CAMTA1: variants seen among roughly 807,000 people sequenced by gnomAD.
CAMTA1 encodes the protein calmodulin binding transcription activator 1, also known as calmodulin-binding transcription activator 1.
Under a neutral mutation model 170.9 loss-of-function variants are expected in CAMTA1, and 27 were observed. That is an observed-to-expected ratio of 0.16 (90% confidence interval 0.12 to 0.22). The LOEUF is 0.22. CAMTA1 is among the 10% of genes least tolerant of loss of function. CAMTA1 has a pLI of 1.00. For synonymous variants in CAMTA1, 833 were observed against 891.5 expected, an observed-to-expected ratio of 0.93 and a Z score of 1.17; for missense variants, 1,619 against 2,217.2, an observed-to-expected ratio of 0.73 and a Z score of 5.42.
At position 7,299,534 on chromosome 1, in the gene CAMTA1, C is replaced by T. The variant is rs1674453236; in HGVS notation, c.438+49908C>T. On this transcript the variant is annotated intron_variant, in intron 5 of 22. Coordinates refer to ENST00000303635, the MANE Select transcript of CAMTA1 (RefSeq NM_015215.4). This position sits in a 1 kb window ranked among gnomAD's most constrained non-coding sequence, Gnocchi z 4.7. The stretch of plus-strand genomic sequence containing the variant: ...GCATGACTCAGACTCGGAGAGCTTC[C>T]AACCTCGCAATGAGCCAGCGGCTCC... Among the ~76,000 whole-genome samples, 1 of 152,228 alleles carries T rather than the reference C, an allele frequency of 6.6e-6. No individual in the cohort carries two copies. The highest frequency in any genetic ancestry group is 1.5e-5 in the Non-Finnish European group (1 of 68,044).
chr1:7,462,942 C>T (rs374597500), intron 5 of CAMTA1, among the ~76,000 whole-genome samples: 27 of 152,342 alleles, frequency 1.8e-4, no homozygotes, highest in Middle Eastern at 6.8e-3. Flanking sequence ...GTGTTCCCAG[C>T]GTCTGCTCCT....
At position 7,357,861 on chromosome 1, in the gene CAMTA1, G is replaced by A. The variant is rs190953733; in HGVS notation, c.438+108235G>A. Among the ~76,000 whole-genome samples the A allele has an allele frequency of 1.8e-3, 274 of 152,284 alleles. 4 individuals carry two copies. In the East Asian group the frequency reaches 0.038, roughly 21 times the overall value. Reference sequence around the variant, plus strand: ...GAGTGCCGGGCTGCTGGAGCTTGGGGTCCCTGCTCCCAGGTCCCTGTCCCC... The same window carrying A: ...GAGTGCCGGGCTGCTGGAGCTTGGGATCCCTGCTCCCAGGTCCCTGTCCCC... On this transcript the variant is annotated intron_variant, in intron 5 of 22. Coordinates refer to ENST00000303635, the MANE Select transcript of CAMTA1 (RefSeq NM_015215.4).
At position 7,633,966 on chromosome 1, in the gene CAMTA1, C is replaced by T. The variant is rs1002417348; in HGVS notation, c.511-6434C>T. Among the ~76,000 whole-genome samples, 2 of 152,182 alleles carry T rather than the reference C, an allele frequency of 1.3e-5. No homozygotes were observed. Among genetic ancestry groups the T allele is most frequent in the Admixed American group, 6.5e-5 (1 of 15,286 alleles). On this transcript the variant is annotated intron_variant, in intron 6 of 22. Coordinates refer to ENST00000303635, the MANE Select transcript of CAMTA1 (RefSeq NM_015215.4). This position sits in a 1 kb window ranked among gnomAD's most constrained non-coding sequence, Gnocchi z 4.1. ...AGAGACCACAGCCCAGGGAGAGAAG[C>T]GGCAGATCTGGGGAATGGGGTGGCG...
intron 5 of CAMTA1, among the ~76,000 whole-genome samples, chr1:7,457,058 G>A (rs543917283): frequency 4.2e-4 from 16 of 38,532 alleles, no homozygotes; most frequent in African/African-American, 9.3e-4. Context: ...CCCCTGCGCC[G>A]CCGTGCCCCT....
At chr1:7,353,138 G>A (rs1017985471) in intron 5 of CAMTA1, among the ~76,000 whole-genome samples, 5 of 152,244 alleles carry the variant, frequency 3.3e-5, no homozygotes, top group Non-Finnish European at 7.4e-5. Flanking sequence ...CTACCCTCTC[G>A]AAGGCACAGT....
chr1:7,675,214 G>A (rs906406953), intron 10 of CAMTA1, among the ~76,000 whole-genome samples: 2 of 152,184 alleles, frequency 1.3e-5, no homozygotes, highest in Non-Finnish European at 2.9e-5. Context: ...GTTTGGCAAC[G>A]TGGAGAATCT....
At position 7,532,954 on chromosome 1, in the gene CAMTA1, A is replaced by G. The variant is rs149386321; in HGVS notation, c.510+65053A>G. Among the ~76,000 whole-genome samples the G allele has an allele frequency of 6.6e-6, 1 of 152,280 alleles. No homozygotes were observed. Among genetic ancestry groups the G allele is most frequent in the Non-Finnish European group, 1.5e-5 (1 of 68,012 alleles). On this transcript the variant is annotated intron_variant, in intron 6 of 22. Transcript: ENST00000303635. The surrounding 1 kb of genome is among the most constrained non-coding windows in gnomAD (Gnocchi z 4.2). ...GGCTTTTTGGGAAGGGTGGGATTTC[A>G]TCTGGAACAAGAGATGGGAGGCCCA...
intron 3 of CAMTA1, among the ~76,000 whole-genome samples, chr1:6,990,067 T>C (rs1338553440): frequency 6.6e-6 from 1 of 152,156 alleles, no homozygotes; most frequent in African/African-American, 2.4e-5. Context: ...GCCAACTTCA[T>C]CTGCAGACGG....
intron 5 of CAMTA1, among the ~76,000 whole-genome samples, chr1:7,398,175 CTCTCTCTCTCTCTCTCT>C (rs2089495913): frequency 2.5e-5 from 1 of 40,564 alleles, no homozygotes; most frequent in African/African-American, 9.9e-5. Flanking sequence ...CTCTCTCTCT[CTCTCTCTCTCTCTCTCT>C]CTATATATAT....
intron 5 of CAMTA1, among the ~76,000 whole-genome samples, chr1:7,419,554 C>T (rs1219772357): frequency 1.3e-5 from 2 of 152,172 alleles, no homozygotes; most frequent in East Asian, 1.9e-4. Flanking sequence ...CACTCAGTCT[C>T]GTGGTTCTAA....
chr1:7,512,684 A>G (rs1263554327), intron 6 of CAMTA1, among the ~76,000 whole-genome samples: 3 of 152,224 alleles, frequency 2.0e-5, no homozygotes, highest in African/African-American at 4.8e-5. Flanking sequence ...AGCAAGTTAC[A>G]TAGCAAAACC....
At chr1:6,848,642 G>C (rs1436211428) in intron 3 of CAMTA1, among the ~76,000 whole-genome samples, 3 of 152,200 alleles carry the variant, frequency 2.0e-5, no homozygotes, top group Non-Finnish European at 4.4e-5. Context: ...AGAGTTAGTA[G>C]CATTTATGTG....
intron 4 of CAMTA1, among the ~76,000 whole-genome samples, chr1:7,140,456 G>C (rs978034138): frequency 6.6e-6 from 1 of 152,122 alleles, no homozygotes; most frequent in African/African-American, 2.4e-5. Context: ...GTCAACTCCA[G>C]CTCTCTCACT....
rs148641840 is a variant in CAMTA1 at position 7,268,118 on chromosome 1, G to T, written c.438+18492G>T. ...ATAAACAAGCTCTGGCTTTCTGGCT[G>T]GAGGCATTTTCCAGACAGTGCATGG... On this transcript the variant is annotated intron_variant, in intron 5 of 22. Transcript: ENST00000303635. Among the ~76,000 whole-genome samples, 211 of 152,288 alleles carry T rather than the reference G, an allele frequency of 1.4e-3. 3 individuals are homozygous for T. The South Asian group carries it at 0.016, about 12-fold the overall frequency.
intron 5 of CAMTA1, among the ~76,000 whole-genome samples, chr1:7,375,561 GA>G (rs1225026632): frequency 6.6e-6 from 1 of 152,218 alleles, no homozygotes; most frequent in Admixed American, 6.5e-5. Context: ...CACCCGTGGG[GA>G]CAGGCAAGGG....
chr1:7,559,553 C>G (rs527817893), intron 6 of CAMTA1, among the ~76,000 whole-genome samples: 3 of 152,202 alleles, frequency 2.0e-5, no homozygotes, highest in African/African-American at 7.2e-5. Flanking sequence ...GTTTTCACGC[C>G]GAGCACAGCT....
At position 6,965,341 on chromosome 1, in the gene CAMTA1, C is replaced by T. The variant is rs1007421338; in HGVS notation, c.235-125963C>T. 5.9e-5 allele frequency among the ~76,000 whole-genome samples: 9 copies of T among 151,864 alleles called. No homozygotes were observed. Among genetic ancestry groups the T allele is most frequent in the Non-Finnish European group, 7.4e-5 (5 of 67,958 alleles). ...TGTGTGGGTGTGTGTGTAGGGGGCA[C>T]GCAGCCAGCTCTAACTTGAGCAGAG... On this transcript the variant is annotated intron_variant, in intron 3 of 22. Transcript: ENST00000303635. This position sits in a 1 kb window ranked among gnomAD's most constrained non-coding sequence, Gnocchi z 4.1.
At chr1:7,607,310 T>G (rs2150633893) in intron 6 of CAMTA1, among the ~76,000 whole-genome samples, 2 of 133,896 alleles carry the variant, frequency 1.5e-5, no homozygotes, top group African/African-American at 5.7e-5. Context: ...TTGGATGGAA[T>G]GGTAGGTGGG....
intron 11 of CAMTA1, among the ~76,000 whole-genome samples, chr1:7,711,450 A>G (rs2096570059): frequency 6.6e-6 from 1 of 152,158 alleles, no homozygotes; most frequent in Admixed American, 6.5e-5. Context: ...GAAGGAACCA[A>G]TAGGTTTTGG....
Sources: allele counts gnomAD v4.1 joint callset (sites outside exome capture counted in the v4.1 genomes callset), GRCh38; gene constraint gnomAD v4.1.1; non-coding constraint Gnocchi (gnomAD v3.1); transcripts MANE v1.5; gene names NCBI Gene and HGNC (gene_info 2026-07-23, HGNC 2026-07-21).